GREM2: variants seen among roughly 807,000 people sequenced by gnomAD.
The protein encoded by GREM2 is gremlin 2, DAN family BMP antagonist.
A neutral mutation model predicts 14.2 loss-of-function variants in GREM2; 11 were observed. That is an observed-to-expected ratio of 0.78 (90% CI 0.49 to 1.28). The LOEUF is 1.28. Among genes scored for constraint, GREM2 ranks in the 50% most tolerant of loss-of-function variants. The pLI, the probability that GREM2 is intolerant of heterozygous loss-of-function variation, is 0.00. For synonymous variants in GREM2, 98 were observed against 97.6 expected (o/e 1.00, Z -0.02); for missense variants, 210 against 218.5 (o/e 0.96, Z 0.24).
intron 1 of GREM2, among the ~76,000 whole-genome samples, chr1:240,552,053 A>G (rs1325556362): frequency 6.6e-6 from 1 of 152,152 alleles, no homozygotes; most frequent in Non-Finnish European, 1.5e-5. Flanking sequence ...CTTACTCTAC[A>G]TACTTCATAT....
At chr1:240,598,704 T>C (rs1001980367) in intron 1 of GREM2, among the ~76,000 whole-genome samples, 2 of 152,200 alleles carry the variant, frequency 1.3e-5, no homozygotes, top group East Asian at 1.9e-4. Flanking sequence ...TGGAGTAGGA[T>C]GGCAAGAATA....
At chr1:240,554,071 C>A (rs1272631433) in intron 1 of GREM2, among the ~76,000 whole-genome samples, 2 of 152,098 alleles carry the variant, frequency 1.3e-5, no homozygotes, top group African/African-American at 4.8e-5. Flanking sequence ...GCCTTCCACT[C>A]TGCATCATTC....
chr1:240,601,909 T>C (rs1264456119), intron 1 of GREM2, among the ~76,000 whole-genome samples: 1 of 87,500 alleles, frequency 1.1e-5, no homozygotes, highest in Non-Finnish European at 2.2e-5. Context: ...TGAGAATCCA[T>C]CTCAAAAAAA....
rs906402519 is a variant in GREM2 at position 240,490,170 on chromosome 1, C to T, written c.*2799G>A. 6.6e-6 allele frequency: 1 copy of T among 152,218 alleles called. No homozygotes were observed. The highest frequency in any genetic ancestry group is 1.5e-5 in the Non-Finnish European group (1 of 68,044). 9.4% of individuals were successfully genotyped at this position (152,218 alleles called of 1,614,324 possible). A position where few individuals can be genotyped will look rare whatever the true frequency, so the allele number is the denominator to read the frequency against. On this transcript the variant is annotated 3_prime_UTR_variant, in exon 2 of 2. Coordinates refer to ENST00000318160, the MANE Select transcript of GREM2 (RefSeq NM_022469.4). ...GACTAACAGTGGACTTCCATTGCTG[C>T]AGTTTCTCAAGGTTTCCTTGTTTAG...
intron 1 of GREM2, among the ~76,000 whole-genome samples, chr1:240,595,643 G>A (rs1679806855): frequency 6.6e-6 from 1 of 152,192 alleles, no homozygotes; most frequent in African/African-American, 2.4e-5. Flanking sequence ...AAGCCATCTG[G>A]AGGCGGCATA....
At chr1:240,561,383 C>T (rs576121592) in intron 1 of GREM2, among the ~76,000 whole-genome samples, 1 of 152,138 alleles carries the variant, frequency 6.6e-6, no homozygotes, top group African/African-American at 2.4e-5. Context: ...TTGAACAGAG[C>T]GAAGCCAAAT....
At chr1:240,564,843 T>C (rs968504839) in intron 1 of GREM2, among the ~76,000 whole-genome samples, 1 of 152,248 alleles carries the variant, frequency 6.6e-6, no homozygotes, top group African/African-American at 2.4e-5. Context: ...TATTTTGTAC[T>C]TTTCGTCTCA....
chr1:240,600,776 G>A (rs1319996405), intron 1 of GREM2, among the ~76,000 whole-genome samples: 3 of 152,096 alleles, frequency 2.0e-5, no homozygotes, highest in South Asian at 2.1e-4. Flanking sequence ...GAGCCACCGT[G>A]CCTGGCTGTG....
At chr1:240,588,629 T>G (rs2102862106) in intron 1 of GREM2, 1 of 152,322 alleles carries the variant, frequency 6.6e-6, no homozygotes, top group South Asian at 2.1e-4. Flanking sequence ...GTCACGCAGC[T>G]AATTATAAGT....
rs542370470 is a variant in GREM2, at chr1:240,496,944, C to G, written c.-1-3468G>C. 1.2e-4 allele frequency among the ~76,000 whole-genome samples: 18 copies of G among 152,140 alleles called. No individual in the cohort carries two copies. The Middle Eastern group carries it at 0.01, about 86-fold the overall frequency. On this transcript the variant is annotated intron_variant, in intron 1 of 1. Coordinates refer to ENST00000318160, the MANE Select transcript of GREM2 (RefSeq NM_022469.4). ...GGTGAGGCAGGAGAATCGCTTGAAC[C>G]CGGGAGGCAGAGGTTGCAGTGAGCC...
chr1:240,580,220 AT>A (rs1679458637), intron 1 of GREM2, among the ~76,000 whole-genome samples: 1 of 152,160 alleles, frequency 6.6e-6, no homozygotes, highest in Non-Finnish European at 1.5e-5. Context: ...GGAAGACCTC[AT>A]TTCTATTTAA....
At chr1:240,498,156 T>C (rs1677474883) in intron 1 of GREM2, among the ~76,000 whole-genome samples, 1 of 152,188 alleles carries the variant, frequency 6.6e-6, no homozygotes, top group South Asian at 2.1e-4. Context: ...GGGCCAATAG[T>C]ATTAGATGTG....
chr1:240,584,246 G>A (rs1343465312), intron 1 of GREM2, among the ~76,000 whole-genome samples: 1 of 152,098 alleles, frequency 6.6e-6, no homozygotes, highest in Non-Finnish European at 1.5e-5. Context: ...TGTAATCCCA[G>A]CCCTTTGGGA....
chr1:240,605,107 A>C (rs1298914818), intron 1 of GREM2, among the ~76,000 whole-genome samples: 1 of 152,190 alleles, frequency 6.6e-6, no homozygotes, highest in Non-Finnish European at 1.5e-5. Context: ...GTCCCGTTCC[A>C]GCCAATGGAA....
At chr1:240,535,468 A>T (rs774982171) in intron 1 of GREM2, among the ~76,000 whole-genome samples, 1 of 152,226 alleles carries the variant, frequency 6.6e-6, no homozygotes, top group Non-Finnish European at 1.5e-5. Context: ...GCCAAGAATG[A>T]CATCCTTGGT....
chr1:240,558,190 C>T (rs1678984300), intron 1 of GREM2, among the ~76,000 whole-genome samples: 1 of 151,686 alleles, frequency 6.6e-6, no homozygotes, highest in African/African-American at 2.4e-5. Flanking sequence ...AGCATGCTAA[C>T]GATTGGAAAA....
intron 1 of GREM2, among the ~76,000 whole-genome samples, chr1:240,607,412 C>T (rs1030737304): frequency 6.6e-6 from 1 of 152,058 alleles, no homozygotes; most frequent in Non-Finnish European, 1.5e-5. Flanking sequence ...GAAAGTGATG[C>T]TTTTTGCCTG....
chr1:240,498,206 A>T (rs1369255045), intron 1 of GREM2, among the ~76,000 whole-genome samples: 2 of 152,206 alleles, frequency 1.3e-5, no homozygotes, highest in African/African-American at 4.8e-5. Flanking sequence ...TGTTTTCAAA[A>T]CATCTGGCAA....
intron 1 of GREM2, among the ~76,000 whole-genome samples, chr1:240,524,651 G>A (rs1316959185): frequency 2.0e-5 from 3 of 152,282 alleles, no homozygotes; most frequent in African/African-American, 7.2e-5. Context: ...AGCCATAGAA[G>A]AATGATTTTT....
Sources: gnomAD v4.1 joint callset for allele counts (sites outside exome capture counted in the v4.1 genomes callset) on GRCh38, gnomAD v4.1.1 for gene constraint, MANE v1.5 for transcripts, NCBI Gene and HGNC (gene_info 2026-07-23, HGNC 2026-07-21) for gene names.